MTHFSD: variants seen among roughly 807,000 people sequenced by gnomAD.
MTHFSD encodes methenyltetrahydrofolate synthase domain-containing protein.
In MTHFSD, 37 loss-of-function variants were observed where a neutral mutation model predicts 31.1. The ratio of observed to expected loss-of-function variants is 1.19; its 90% CI spans 0.91 to 1.56. MTHFSD has a LOEUF of 1.56. MTHFSD is among the 40% of genes most tolerant of loss of function. MTHFSD has a pLI of 0.00. For synonymous variants in MTHFSD, 221 were observed against 206.9 expected, an observed-to-expected ratio of 1.07 and a Z score of -0.59; for missense variants, 664 against 510.1, an observed-to-expected ratio of 1.30 and a Z score of -2.91.
At chr16:86,538,351 C>T (rs1287395478) in intron 7 of MTHFSD, among the ~76,000 whole-genome samples, 1 of 152,174 alleles carries the variant, frequency 6.6e-6, no homozygotes, top group Non-Finnish European at 1.5e-5. Flanking sequence ...ACCCGGGTCT[C>T]CCCACAGAGG....
chr16:86,549,127 T>G (rs1305397499), intron 3 of MTHFSD, among the ~76,000 whole-genome samples: 1 of 152,248 alleles, frequency 6.6e-6, no homozygotes, highest in African/African-American at 2.4e-5. Flanking sequence ...AGTTCTCAAA[T>G]GCCTATTGTG....
intron 1 of MTHFSD, 176 bp downstream of exon 1, chr16:86,554,993 G>C: frequency 7.3e-7 from 1 of 1,366,686 alleles, no homozygotes; most frequent in Non-Finnish European, 9.7e-7. Context: ...GGGATTCCGG[G>C]CGAGAGAGCC....
At chr16:86,544,946 G>A (rs1399980814) in intron 5 of MTHFSD, among the ~76,000 whole-genome samples, 1 of 152,156 alleles carries the variant, frequency 6.6e-6, no homozygotes. Context: ...CTCAGCAAAC[G>A]AACGCAGGAA....
intron 2 of MTHFSD, 126 bp downstream of exon 2, chr16:86,554,519 C>T: frequency 3.9e-6 from 3 of 771,154 alleles, no homozygotes; most frequent in Non-Finnish European, 6.5e-6. Context: ...GCTTTGATTT[C>T]ACACCACTGC....
At chr16:86,553,423 G>A (rs1973479342) in intron 2 of MTHFSD, 1 of 152,722 alleles carries the variant, frequency 6.5e-6, no homozygotes, top group Admixed American at 6.5e-5. Flanking sequence ...GCTGGGCGGT[G>A]TGGAGGGAGA....
intron 7 of MTHFSD, chr16:86,533,132 A>T (rs1597311409): frequency 6.6e-6 from 1 of 152,282 alleles, no homozygotes; most frequent in African/African-American, 2.4e-5. Flanking sequence ...GCTATGCGAA[A>T]CTTAAGTCTC....
intron 4 of MTHFSD, chr16:86,547,210 C>A (rs918759443): frequency 1.0e-6 from 1 of 986,118 alleles, no homozygotes. Context: ...ACAATATACT[C>A]GCTTCTAAAA....
In MTHFSD at chr16:86,531,814, C is replaced by T. The variant is rs1229105556; in HGVS notation, c.*197G>A. 3 of 429,006 alleles carry T rather than the reference C, an allele frequency of 7.0e-6. No individual in the cohort carries two copies. Among genetic ancestry groups the T allele is most frequent in the Non-Finnish European group, 1.2e-5 (3 of 243,310 alleles). The allele number at this position is 429,006 out of a possible 1,614,324, so 26.6% of individuals were successfully genotyped here. A position where few individuals can be genotyped will look rare whatever the true frequency, so the allele number is the denominator to read the frequency against. On this transcript the variant is annotated 3_prime_UTR_variant, in exon 8 of 8. Transcript: ENST00000360900. The surrounding 1 kb of genome is among the most constrained non-coding windows in gnomAD (Gnocchi z 5.5). ...AGTCTCTGCGCGCTGTGAGATGAAC[C>T]GCAGGGCGGCTTCCCCACTCACAGG...
rs1418423690 is a variant in MTHFSD, at chr16:86,541,823, C to T, written c.556-1G>A. On this transcript the variant is annotated splice_acceptor_variant, in intron 6 of 7. Coordinates refer to ENST00000360900, the MANE Select transcript of MTHFSD (RefSeq NM_001159377.2). LOFTEE classifies it high-confidence loss of function. ...CAAGCTCTTCAGGGATGTCCACGACCTGGGGGAAGAGAGGAGGGATAAAGG... is the reference window on the plus strand; with the variant it reads ...CAAGCTCTTCAGGGATGTCCACGACTTGGGGGAAGAGAGGAGGGATAAAGG... The T allele has an allele frequency of 3.7e-6, 6 of 1,613,758 alleles. No individual in the cohort carries two copies. In the Admixed American group the frequency reaches 8.3e-5, roughly 22 times the overall value.
intron 7 of MTHFSD, among the ~76,000 whole-genome samples, chr16:86,538,323 TGGCGGC>T (rs1408861127): frequency 1.3e-5 from 2 of 151,800 alleles, no homozygotes; most frequent in African/African-American, 4.8e-5. Context: ...GCTTCCAGGG[TGGCGGC>T]GGCAGTGGCA....
chr16:86,540,861 C>T (rs1971406043), intron 7 of MTHFSD: 10 of 1,086,390 alleles, frequency 9.2e-6, no homozygotes, highest in African/African-American at 1.6e-5. Context: ...GAGTGCACAC[C>T]TGGGAGTCCC....
intron 5 of MTHFSD, 129 bp downstream of exon 5, chr16:86,546,430 C>A (rs1972317271): frequency 2.5e-6 from 2 of 791,842 alleles, no homozygotes; most frequent in Non-Finnish European, 4.3e-6. Context: ...AATGCAGCGG[C>A]TTCGGAGACC....
At chr16:86,554,866 T>C in intron 1 of MTHFSD, 115 bp from the exon 2 acceptor site, 1 of 1,074,782 alleles carries the variant, frequency 9.3e-7, no homozygotes, top group Non-Finnish European at 1.3e-6. Flanking sequence ...CTTCCGATCC[T>C]GTTCCTGAGC....
chr16:86,547,844 G>C (rs1395367566), intron 4 of MTHFSD, among the ~76,000 whole-genome samples: 1 of 152,030 alleles, frequency 6.6e-6, no homozygotes, highest in Non-Finnish European at 1.5e-5. Context: ...TTTCTTCTCA[G>C]TAGATTAAAA....
rs1251319297 is a variant in MTHFSD at position 86,542,288 on chromosome 16, A to C, written c.443-75T>G. ...GAGAAGTGGATTTTCCATCAGGTCC[A>C]GTGGAAGAAGAAACTTGAACCCAAT... On this transcript the variant is annotated intron_variant, in intron 5 of 7. Coordinates refer to ENST00000360900, the MANE Select transcript of MTHFSD (RefSeq NM_001159377.2). The surrounding 1 kb of genome is among the most constrained non-coding windows in gnomAD (Gnocchi z 4.6). 30 of 1,269,744 alleles carry C rather than the reference A, an allele frequency of 2.4e-5. No individual in the cohort carries two copies. The highest frequency in any genetic ancestry group is 3.0e-5 in the Non-Finnish European group (27 of 902,096). The allele number at this position is 1,269,744 out of a possible 1,614,324, so 78.7% of individuals were successfully genotyped here. A position where few individuals can be genotyped will look rare whatever the true frequency, so the allele number is the denominator to read the frequency against.
chr16:86,548,425 A>G, intron 4 of MTHFSD, 39 bp downstream of exon 4: 1 of 1,504,644 alleles, frequency 6.6e-7, no homozygotes, highest in Non-Finnish European at 9.2e-7. Flanking sequence ...CACAGGGTAC[A>G]GTTCTTTCCT....
chr16:86,543,519 G>A (rs75874591), intron 5 of MTHFSD, among the ~76,000 whole-genome samples: 5 of 152,336 alleles, frequency 3.3e-5, no homozygotes, highest in East Asian at 1.9e-4. Flanking sequence ...ATCGGCGGGG[G>A]TGGGCTTCAG....
intron 1 of MTHFSD, 146 bp from the exon 2 acceptor site, chr16:86,554,897 G>A (rs1973852833): frequency 2.8e-6 from 3 of 1,054,526 alleles, no homozygotes; most frequent in South Asian, 1.7e-5. Flanking sequence ...CCGACCTCAA[G>A]GGGCCCACGG....
chr16:86,547,659 TTC>T (rs894260605), intron 4 of MTHFSD: 14 of 540,482 alleles, frequency 2.6e-5, no homozygotes, highest in Non-Finnish European at 3.3e-5. Flanking sequence ...CTTTGCTCCT[TTC>T]TCTCTCTATA....
Sources: gnomAD v4.1 joint callset for allele counts (sites outside exome capture counted in the v4.1 genomes callset) on GRCh38, gnomAD v4.1.1 for gene constraint, Gnocchi (gnomAD v3.1) non-coding constraint, MANE v1.5 for transcripts, NCBI Gene and HGNC (gene_info 2026-07-23, HGNC 2026-07-21) for gene names.